The following TMEM179 variants were observed in gnomAD, a reference collection of about 807,000 sequenced individuals.
The protein encoded by TMEM179 is transmembrane protein 179, also known as transmembrane protein 179A.
In TMEM179, 17 loss-of-function variants were observed where a neutral mutation model predicts 22.2. The ratio of observed to expected loss-of-function variants is 0.77; its 90% confidence interval spans 0.52 to 1.15. TMEM179 has a LOEUF of 1.15. TMEM179 is among the 50% of genes most tolerant of loss of function. The pLI is 0.00. For synonymous variants in TMEM179, 127 were observed against 140.5 expected, an observed-to-expected ratio of 0.90 and a Z score of 0.68; for missense variants, 265 against 313.6, an observed-to-expected ratio of 0.84 and a Z score of 1.17.
chr14:104,594,086 A>G, intron 3 of TMEM179: 1 of 1,233,756 alleles, frequency 8.1e-7, no homozygotes. Context: ...GCTGTTTCCA[A>G]ACAGTTGAAG....
rs898608911 is a variant in TMEM179 at position 104,593,574 on chromosome 14, C to T, written c.607G>A (p.Asp203Asn). 98 of 1,530,650 alleles carry T rather than the reference C, an allele frequency of 6.4e-5. No homozygotes were observed. In the Middle Eastern group the frequency reaches 6.7e-4, roughly 10 times the overall value. 94.8% of individuals were successfully genotyped at this position (1,530,650 alleles called of 1,614,324 possible). A position where few individuals can be genotyped will look rare whatever the true frequency, so the allele number is the denominator to read the frequency against. The change falls in exon 4 of 4, where the codon GAC becomes AAC. Residue 203 changes from aspartate (D) to asparagine (N), a missense_variant. By Grantham distance (23) the Asp-to-Asn change is conservative (BLOSUM62 1). Transcript: ENST00000556573. ...LKVYHNYRQE[D>N]LLDSLIHEKE... ...TCGTGGATCAGGCTGTCCAGCAGGT[C>T]CTCCTGACGGTAGTTGTGGTAGACC...
rs757413323 is a variant in TMEM179, at chr14:104,595,915, T to C, written c.444-672A>G. Reference sequence around the variant, plus strand: ...AAAGAGGGGGCCCAGCGGCCCCAAATCCCTGGAGGGGCTGAAGGGCTGGAA... The same window carrying C: ...AAAGAGGGGGCCCAGCGGCCCCAAACCCCTGGAGGGGCTGAAGGGCTGGAA... On this transcript the variant is annotated intron_variant, in intron 2 of 3. Transcript: ENST00000556573. This position sits in a 1 kb window ranked among gnomAD's most constrained non-coding sequence, Gnocchi z 5.7. Among the ~76,000 whole-genome samples, 6 of 152,202 alleles carry C rather than the reference T, an allele frequency of 3.9e-5. No homozygotes were observed. Among genetic ancestry groups the C allele is most frequent in the Non-Finnish European group, 8.8e-5 (6 of 68,032 alleles).
chr14:104,600,613 CTCATTCAT>C (rs572258329), intron 1 of TMEM179, among the ~76,000 whole-genome samples: 28 of 151,506 alleles, frequency 1.8e-4, no homozygotes, highest in South Asian at 4.2e-4. Context: ...CATTCATTTA[CTCATTCAT>C]TCATTCATTC....
At chr14:104,600,183 C>T (rs1014359079) in intron 1 of TMEM179, among the ~76,000 whole-genome samples, 2 of 152,220 alleles carry the variant, frequency 1.3e-5, no homozygotes, top group African/African-American at 4.8e-5. Flanking sequence ...TGGATGTGTC[C>T]AGAGCATCCC....
Position 104,593,450 on chromosome 14 carries a change from G to C in TMEM179, c.*29C>G. 1 of 1,535,896 alleles carries C rather than the reference G, an allele frequency of 6.5e-7. No homozygotes were observed. The highest frequency in any genetic ancestry group is 8.7e-7 in the Non-Finnish European group (1 of 1,146,724). On this transcript the variant is annotated 3_prime_UTR_variant, in exon 4 of 4. Coordinates refer to ENST00000556573, the MANE Select transcript of TMEM179 (RefSeq NM_001286389.2). ...TGCCCCCGAGCGCAGCAGGGAGGTC[G>C]GGGCCAGCTCCCCCTGCCTGCACTG... is the stretch of plus-strand genomic sequence containing the variant.
At chr14:104,598,559 C>T (rs185253619) in intron 1 of TMEM179, among the ~76,000 whole-genome samples, 103 of 152,376 alleles carry the variant, frequency 6.8e-4, no homozygotes, top group African/African-American at 2.3e-3. Context: ...ACTTTCTGAG[C>T]ACCTGCTCGC....
At position 104,595,353 on chromosome 14, in the gene TMEM179, A is replaced by AG. The variant is rs1457495032; in HGVS notation, c.444-111dup. 3 of 1,093,684 alleles carry AG rather than the reference A, an allele frequency of 2.7e-6. No homozygotes were observed. Among genetic ancestry groups the AG allele is most frequent in the Non-Finnish European group, 2.6e-6 (2 of 756,362 alleles). The allele number at this position is 1,093,684 out of a possible 1,614,324, so 67.7% of individuals were successfully genotyped here. On this transcript the variant is annotated intron_variant, in intron 2 of 3. Transcript: ENST00000556573. This position sits in a 1 kb window ranked among gnomAD's most constrained non-coding sequence, Gnocchi z 5.7. The stretch of plus-strand genomic sequence containing the variant: ...AGCTTTGCCCTACAATTGTTGGGCG[A>AG]GGGGGTGGGCAGCAGGGAGTCTCTG...
At chr14:104,594,085 A>C (rs920131296) in intron 3 of TMEM179, 68 of 1,233,672 alleles carry the variant, frequency 5.5e-5, no homozygotes, top group Middle Eastern at 3.1e-4. Flanking sequence ...CGCTGTTTCC[A>C]AACAGTTGAA....
At position 104,595,095 on chromosome 14, in the gene TMEM179, A is replaced by C; in HGVS notation, c.522+70T>G. On this transcript the variant is annotated intron_variant, in intron 3 of 3. Transcript: ENST00000556573. The surrounding 1 kb of genome is among the most constrained non-coding windows in gnomAD (Gnocchi z 5.7). ...TCCTCCTCTGGATGGGGGAGAGCTC[A>C]GCAAATGTCCAGCAGTAAATGGCCC... 2 of 1,608,448 alleles carry C rather than the reference A, an allele frequency of 1.2e-6. No individual in the cohort carries two copies. The highest frequency in any genetic ancestry group is 2.2e-5 in the South Asian group (2 of 90,210).
chr14:104,594,683 T>A (rs1195177699), intron 3 of TMEM179: 3 of 1,195,630 alleles, frequency 2.5e-6, no homozygotes, highest in African/African-American at 3.1e-5. Flanking sequence ...GGGTGGCAAA[T>A]CTGAATTCAC....
In TMEM179 at chr14:104,604,203, A is replaced by G. The variant is rs1887339523; in HGVS notation, c.305+234T>C. Among the ~76,000 whole-genome samples the G allele has an allele frequency of 6.6e-6, 1 of 152,188 alleles. No individual in the cohort carries two copies. The highest frequency in any genetic ancestry group is 1.5e-5 in the Non-Finnish European group (1 of 68,020). ...TGCCCGGAAGCGGGAGGTGATGCGCAGCTGGGGAGGGGAGGCACTGGCCTT... is the reference window on the plus strand; with the variant it reads ...TGCCCGGAAGCGGGAGGTGATGCGCGGCTGGGGAGGGGAGGCACTGGCCTT... On this transcript the variant is annotated intron_variant, in intron 1 of 3. Transcript: ENST00000556573. This position sits in a 1 kb window ranked among gnomAD's most constrained non-coding sequence, Gnocchi z 4.6.
At chr14:104,593,956 G>C (rs1886928527) in intron 3 of TMEM179, 1 of 993,446 alleles carries the variant, frequency 1.0e-6, no homozygotes, top group Non-Finnish European at 1.3e-6. Context: ...GAGGCCCCGA[G>C]GAGGGGCAGT....
At chr14:104,602,794 A>T (rs115972814) in intron 1 of TMEM179, among the ~76,000 whole-genome samples, 7,528 of 152,296 alleles carry the variant, frequency 0.049, 620 homozygotes, top group African/African-American at 0.17. Context: ...TCCCAGGCTG[A>T]CAGCCAGCTT....
At chr14:104,599,208 G>A (rs1000503109) in intron 1 of TMEM179, among the ~76,000 whole-genome samples, 10 of 152,086 alleles carry the variant, frequency 6.6e-5, no homozygotes, top group East Asian at 1.9e-4. Flanking sequence ...AGTGTCTCCC[G>A]CCTGCTCTTC....
chr14:104,594,938 TC>T, intron 3 of TMEM179: 1 of 1,160,366 alleles, frequency 8.6e-7, no homozygotes, highest in Non-Finnish European at 1.1e-6. Flanking sequence ...TGATTCTAAC[TC>T]ACTGTGGCCA....
At position 104,595,256 on chromosome 14, in the gene TMEM179, G is replaced by A. The variant is rs774681573; in HGVS notation, c.444-13C>T. ...GAGCTCTTCACAGCTAAAACAGCAG[G>A]ACATAGGGTGGAGGGTGACCACCAG... On this transcript the variant is annotated splice_polypyrimidine_tract_variant and intron_variant, in intron 2 of 3. Coordinates refer to ENST00000556573, the MANE Select transcript of TMEM179 (RefSeq NM_001286389.2). The surrounding 1 kb of genome is among the most constrained non-coding windows in gnomAD (Gnocchi z 5.7). 72 of 1,610,982 alleles carry A rather than the reference G, an allele frequency of 4.5e-5. No individual in the cohort carries two copies. The highest frequency in any genetic ancestry group is 5.9e-5 in the Non-Finnish European group (70 of 1,178,682).
Position 104,601,875 on chromosome 14 carries a change from C to G in TMEM179, c.305+2562G>C, listed in dbSNP as rs1282319935. 3.9e-5 allele frequency among the ~76,000 whole-genome samples: 6 copies of G among 152,142 alleles called. No homozygotes were observed. In the South Asian group the frequency reaches 1.0e-3, roughly 26 times the overall value. On this transcript the variant is annotated intron_variant, in intron 1 of 3. Coordinates refer to ENST00000556573, the MANE Select transcript of TMEM179 (RefSeq NM_001286389.2). ...CCACAATGTAGCCCCCCTCGACAAC[C>G]CTAACCCTCACCCTAACCCCCACAG...
rs999085559 is a variant in TMEM179 at position 104,604,328 on chromosome 14, C to T, written c.305+109G>A. The stretch of plus-strand genomic sequence containing the variant: ...GGGCGGATTGTTGACATTTGCGGGC[C>T]TCGGAGCTGCCTGAGAGACGGAGGG... On this transcript the variant is annotated intron_variant, in intron 1 of 3. Transcript: ENST00000556573. The surrounding 1 kb of genome is among the most constrained non-coding windows in gnomAD (Gnocchi z 4.6). 1.1e-5 allele frequency: 14 copies of T among 1,266,510 alleles called. No homozygotes were observed. The highest frequency in any genetic ancestry group is 1.6e-5 in the African/African-American group (1 of 63,174). The allele number at this position is 1,266,510 out of a possible 1,614,324, so 78.5% of individuals were successfully genotyped here.
intron 1 of TMEM179, among the ~76,000 whole-genome samples, chr14:104,603,564 C>CACAGAGGGAGTGGGTGGGT (rs1566747267): frequency 1.1e-4 from 8 of 69,936 alleles, no homozygotes; most frequent in African/African-American, 3.8e-4. Context: ...GGTGGGTGGG[C>CACAGAGGGAGTGGGTGGGT]TCACAGAGGG....
Sources: gnomAD v4.1 joint callset for allele counts (sites outside exome capture counted in the v4.1 genomes callset) on GRCh38, gnomAD v4.1.1 for gene constraint, Gnocchi (gnomAD v3.1) non-coding constraint, MANE v1.5 for transcripts, NCBI Gene and HGNC (gene_info 2026-07-23, HGNC 2026-07-21) for gene names.